The following CWC22 variants were observed in gnomAD, a reference collection of about 807,000 sequenced individuals.
The protein encoded by CWC22 is CWC22 spliceosome associated protein.
CWC22 carries 53 observed loss-of-function variants against 117.2 expected under a neutral mutation model. That is an observed-to-expected ratio of 0.45 (90% CI 0.36 to 0.57). The LOEUF is 0.57. Ranked by LOEUF, CWC22 falls within the 20% of genes least tolerant of loss-of-function variation. The pLI is 0.00. For synonymous variants in CWC22, 360 were observed against 355.6 expected, an observed-to-expected ratio of 1.01 and a Z score of -0.14; for missense variants, 980 against 1,068.8, an observed-to-expected ratio of 0.92 and a Z score of 1.16.
chr2:179,962,382 C>A (rs1686774830), intron 13 of CWC22, among the ~76,000 whole-genome samples: 1 of 152,066 alleles, frequency 6.6e-6, no homozygotes, highest in African/African-American at 2.4e-5. Context: ...TGATTTTTAG[C>A]CTGGCATATA....
chr2:179,982,254 G>A lies in CWC22; in HGVS notation c.207-257C>T, dbSNP rs1372244704. Among the ~76,000 whole-genome samples, 5 of 152,180 alleles carry A rather than the reference G, an allele frequency of 3.3e-5. No homozygotes were observed. In the East Asian group the frequency reaches 7.7e-4, roughly 24 times the overall value. ...TGACATTTTGCAACTAGTAGAAGAG[G>A]GAATAATTATTGAAAGACTGAGCAG... On this transcript the variant is annotated intron_variant, in intron 4 of 19. Transcript: ENST00000410053.
At position 179,970,531 on chromosome 2, in the gene CWC22, T is replaced by C; in HGVS notation, c.1180A>G (p.Asn394Asp). The C allele has an allele frequency of 6.5e-7, 1 of 1,544,184 alleles. No homozygotes were observed. Among genetic ancestry groups the C allele is most frequent in the Non-Finnish European group, 8.8e-7 (1 of 1,141,226 alleles). ...TTAATAGCTTTGTACTTCTCTTCAT[T>C]CTCCATAAAATTAGGATCCATCTTG... ...VFKMDPNFME[N>D]EEKYKAIKKE... is the part of the protein sequence containing the mutation. The change falls in exon 11 of 20, where the codon AAT becomes GAT. Residue 394 changes from asparagine to aspartate, a missense_variant. This residue lies in a region of CWC22 where 559 missense variants were observed against 602.3 expected (regional missense o/e 0.93). Coordinates refer to ENST00000410053, the MANE Select transcript of CWC22 (RefSeq NM_020943.3).
chr2:179,962,641 A>AT (rs374619030), intron 13 of CWC22, among the ~76,000 whole-genome samples: 5,364 of 147,854 alleles, frequency 0.036, 312 homozygotes, highest in African/African-American at 0.13. Context: ...GATTGTCTCC[A>AT]TTTTTTTTTT....
chr2:179,962,966 T>TA (rs965175758), intron 13 of CWC22, among the ~76,000 whole-genome samples: 11 of 151,860 alleles, frequency 7.2e-5, no homozygotes, highest in East Asian at 1.9e-4. Flanking sequence ...TAATAATGTT[T>TA]AAAAAAAATA....
intron 1 of CWC22, among the ~76,000 whole-genome samples, chr2:180,002,367 C>A (rs537654516): frequency 6.6e-6 from 1 of 152,120 alleles, no homozygotes; most frequent in African/African-American, 2.4e-5. Context: ...AGGCTAGGGC[C>A]ATAATTGATA....
intron 14 of CWC22, among the ~76,000 whole-genome samples, chr2:179,956,002 T>G (rs919608375): frequency 6.6e-6 from 1 of 152,052 alleles, no homozygotes; most frequent in African/African-American, 2.4e-5. Flanking sequence ...TGTAATATAC[T>G]TGCTTTGTGC....
chr2:179,956,682 G>A (rs978905996), intron 14 of CWC22, among the ~76,000 whole-genome samples: 3 of 151,216 alleles, frequency 2.0e-5, no homozygotes, highest in Admixed American at 1.3e-4. Context: ...CTGAAAAGGT[G>A]TACTTTATCA....
Position 179,986,804 on chromosome 2 carries a change from A to C in CWC22, c.97T>G (p.Tyr33Asp), listed in dbSNP as rs764417395. The C allele has an allele frequency of 6.5e-7, 1 of 1,534,820 alleles. No homozygotes were observed. Among genetic ancestry groups the C allele is most frequent in the South Asian group, 1.2e-5 (1 of 81,772 alleles). ...YQRNSSPEDR[Y>D]EEQERSPRDR... Reference sequence around the variant, plus strand: ...CGGGGGGATCGTTCTTGTTCTTCATATCTAACATAAAATAAGAAAACCAAG... The same window carrying C: ...CGGGGGGATCGTTCTTGTTCTTCATCTCTAACATAAAATAAGAAAACCAAG... The change falls in exon 4 of 20, where the codon TAT (tyrosine) becomes GAT (aspartate). Residue 33 changes from tyrosine to aspartate, a missense_variant and splice_region_variant. This residue lies in a region of CWC22 where 559 missense variants were observed against 602.3 expected (regional missense o/e 0.93). Transcript: ENST00000410053.
Position 179,970,798 on chromosome 2 carries a change from T to C in CWC22, c.999A>G (p.Gln333=). 6.2e-7 allele frequency: 1 copy of C among 1,613,822 alleles called. No homozygotes were observed. Among genetic ancestry groups the C allele is most frequent in the African/African-American group, 1.3e-5 (1 of 75,052 alleles). The change falls in exon 10 of 20, where the codon CAA becomes CAG. Residue 333 remains glutamine, a synonymous_variant. Transcript: ENST00000410053. ...CAGCAAACATCACTTCAATCATATA[T>C]TGAACTCTTTTGTCAATTTCAGACT... The part of the protein sequence containing the change: ...LHESEIDKRV[Q]YMIEVMFAVR...
chr2:179,999,303 T>G (rs1687786988), intron 1 of CWC22, among the ~76,000 whole-genome samples: 1 of 152,174 alleles, frequency 6.6e-6, no homozygotes, highest in Admixed American at 6.5e-5. Context: ...AGCATCACTA[T>G]GTGAATTTTA....
At chr2:180,002,476 A>G (rs1687870432) in intron 1 of CWC22, among the ~76,000 whole-genome samples, 2 of 152,238 alleles carry the variant, frequency 1.3e-5, no homozygotes, top group Admixed American at 1.3e-4. Context: ...CAATAGTAAA[A>G]GAAGATGAAA....
intron 1 of CWC22, among the ~76,000 whole-genome samples, chr2:179,994,852 T>C (rs1687660946): frequency 6.6e-6 from 1 of 152,196 alleles, no homozygotes; most frequent in Non-Finnish European, 1.5e-5. Flanking sequence ...TTTATGTATC[T>C]TTTTAAAGTT....
Position 179,954,219 on chromosome 2 carries a change from A to C in CWC22, c.1675T>G (p.Ser559Ala). Residue 559 changes from serine to alanine, a missense_variant, in exon 16 of 20, where the codon TCA (serine) becomes GCA (alanine). Coordinates refer to ENST00000410053, the MANE Select transcript of CWC22 (RefSeq NM_020943.3). ...CATGTACTTACACTCCATGGAAGTG[A>C]ATCAGTGTATAAAAGGTGAGCAAAC... is the stretch of plus-strand genomic sequence containing the variant. ...KMFAHLLYTD[S>A]LPWSVLECIK... is the part of the protein sequence containing the mutation. 1 of 1,610,652 alleles carries C rather than the reference A, an allele frequency of 6.2e-7. No individual in the cohort carries two copies. The highest frequency in any genetic ancestry group is 8.5e-7 in the Non-Finnish European group (1 of 1,177,844).
intron 4 of CWC22, among the ~76,000 whole-genome samples, chr2:179,985,663 G>A (rs990711825): frequency 6.6e-6 from 1 of 151,998 alleles, no homozygotes; most frequent in African/African-American, 2.4e-5. Flanking sequence ...AGTACAATAA[G>A]ATATTTTGAG....
Position 179,971,698 on chromosome 2 carries a change from G to C in CWC22, c.805-622C>G, listed in dbSNP as rs566263457. 8.5e-5 allele frequency among the ~76,000 whole-genome samples: 13 copies of C among 152,258 alleles called. No individual in the cohort carries two copies. In the South Asian group the frequency reaches 2.5e-3, roughly 29 times the overall value. ...AACTGACATTTATAAACAATGCCAGGAAGAGTGGGAATAAAATTCTATTGA... is the reference window on the plus strand; with the variant it reads ...AACTGACATTTATAAACAATGCCAGCAAGAGTGGGAATAAAATTCTATTGA... On this transcript the variant is annotated intron_variant, in intron 8 of 19. Transcript: ENST00000410053.
intron 4 of CWC22, 34 bp downstream of exon 4, chr2:179,986,661 A>C: frequency 8.2e-7 from 1 of 1,217,796 alleles, no homozygotes; most frequent in Non-Finnish European, 1.2e-6. Flanking sequence ...AAACAAATAC[A>C]ATTTTCTACA....
In CWC22 at chr2:179,989,377, C is replaced by T. The variant is rs567170338; in HGVS notation, c.28-733G>A. On this transcript the variant is annotated intron_variant, in intron 2 of 19. Transcript: ENST00000410053. ...GGCTCAAGTGATCTTCTCGCCTCAG[C>T]CACAATATTGTACTTACCTCCTATC... 6.6e-5 allele frequency among the ~76,000 whole-genome samples: 10 copies of T among 152,030 alleles called. No homozygotes were observed. In the East Asian group the frequency reaches 1.5e-3, roughly 23 times the overall value.
intron 19 of CWC22, among the ~76,000 whole-genome samples, chr2:179,947,828 TTAAGGC>T (rs1686347727): frequency 6.6e-6 from 1 of 152,192 alleles, no homozygotes; most frequent in African/African-American, 2.4e-5. Flanking sequence ...GCCTTTCAAT[TTAAGGC>T]TACAGAGGAA....
intron 14 of CWC22, among the ~76,000 whole-genome samples, chr2:179,956,062 T>G (rs947486734): frequency 6.6e-6 from 1 of 151,988 alleles, no homozygotes; most frequent in Admixed American, 6.5e-5. Context: ...TTTTTACCTT[T>G]ATATTTTCAA....
Sources: allele counts gnomAD v4.1 joint callset (sites outside exome capture counted in the v4.1 genomes callset), GRCh38; gene constraint gnomAD v4.1.1; regional missense constraint gnomAD v4.1.1; transcripts MANE v1.5; gene names NCBI Gene and HGNC (gene_info 2026-07-23, HGNC 2026-07-21).